Variants in KLHL1 observed in about 807,000 individuals in gnomAD.
The protein encoded by KLHL1 is kelch like family member 1.
Under a neutral mutation model 77.7 loss-of-function variants are expected in KLHL1, and 47 were observed. The observed-to-expected ratio is 0.60, with a 90% CI of 0.48 to 0.77. The LOEUF (loss-of-function observed/expected upper bound fraction) is 0.77, where lower values mean the gene tolerates loss of function less well. Among genes scored for constraint, KLHL1 ranks in the 30% least tolerant of loss-of-function variants. The pLI is 0.00. For synonymous variants in KLHL1, 360 were observed against 325.2 expected (o/e 1.11, Z -1.15); for missense variants, 925 against 910.8 (o/e 1.02, Z -0.20).
chr13:69,755,717 A>G (rs1396318165), intron 7 of KLHL1, among the ~76,000 whole-genome samples: 2 of 148,310 alleles, frequency 1.3e-5, no homozygotes, highest in African/African-American at 5.0e-5. Context: ...ATTCAACAAG[A>G]TTATCTTGCC....
chr13:70,045,625 T>C (rs1863333902), intron 1 of KLHL1, among the ~76,000 whole-genome samples: 1 of 152,040 alleles, frequency 6.6e-6, no homozygotes, highest in Admixed American at 6.6e-5. Flanking sequence ...TAAAGATGAC[T>C]GGTAGTAGTA....
chr13:69,937,078 C>G (rs958368514), intron 4 of KLHL1, among the ~76,000 whole-genome samples: 2 of 152,110 alleles, frequency 1.3e-5, no homozygotes, highest in Admixed American at 1.3e-4. Context: ...TAAAAATGTT[C>G]CACGTGTGTC....
chr13:69,833,985 T>G (rs1431085550), intron 6 of KLHL1, among the ~76,000 whole-genome samples: 1 of 151,750 alleles, frequency 6.6e-6, no homozygotes, highest in Admixed American at 6.6e-5. Flanking sequence ...AACCCAGCAA[T>G]GGAAAACCTA....
At chr13:70,035,653 G>A (rs1186441358) in intron 1 of KLHL1, among the ~76,000 whole-genome samples, 1 of 151,968 alleles carries the variant, frequency 6.6e-6, no homozygotes, top group Non-Finnish European at 1.5e-5. Flanking sequence ...GAAAGATTTA[G>A]AAAATTAGGG....
chr13:70,001,644 G>T (rs1005954440), intron 1 of KLHL1, among the ~76,000 whole-genome samples: 4 of 133,846 alleles, frequency 3.0e-5, no homozygotes, highest in South Asian at 5.1e-4. Context: ...TGAAACATTG[G>T]GATATCTATC....
chr13:69,727,664 T>A (rs573348985), intron 8 of KLHL1, among the ~76,000 whole-genome samples: 1 of 152,294 alleles, frequency 6.6e-6, no homozygotes, highest in South Asian at 2.1e-4. Context: ...CAAAATGAGT[T>A]GTTGAAATAC....
intron 7 of KLHL1, among the ~76,000 whole-genome samples, chr13:69,761,497 A>G (rs948292257): frequency 2.7e-4 from 41 of 152,200 alleles, no homozygotes; most frequent in African/African-American, 8.9e-4. Flanking sequence ...AATTTGATGT[A>G]AGGAGGCAGA....
chr13:69,812,023 T>C (rs1877903200), intron 6 of KLHL1, among the ~76,000 whole-genome samples: 1 of 152,172 alleles, frequency 6.6e-6, no homozygotes, highest in Admixed American at 6.5e-5. Flanking sequence ...CTTTCCTGCT[T>C]TCTCTTGTGG....
At chr13:69,875,638 T>C (rs1880735488) in intron 5 of KLHL1, among the ~76,000 whole-genome samples, 1 of 152,142 alleles carries the variant, frequency 6.6e-6, no homozygotes, top group African/African-American at 2.4e-5. Context: ...ATTATATTAA[T>C]ACCTCTGCTG....
intron 1 of KLHL1, among the ~76,000 whole-genome samples, chr13:70,070,086 T>C (rs1025011977): frequency 6.6e-6 from 1 of 150,530 alleles, no homozygotes; most frequent in African/African-American, 2.5e-5. Flanking sequence ...AAGAATGGTG[T>C]GAACCCAGGA....
At chr13:69,919,662 C>T (rs1882567775) in intron 4 of KLHL1, among the ~76,000 whole-genome samples, 1 of 152,052 alleles carries the variant, frequency 6.6e-6, no homozygotes, top group South Asian at 2.1e-4. Context: ...TTCAACCTTG[C>T]CCCATTACTG....
At chr13:69,881,359 T>C (rs916395439) in intron 5 of KLHL1, among the ~76,000 whole-genome samples, 1 of 152,172 alleles carries the variant, frequency 6.6e-6, no homozygotes, top group Non-Finnish European at 1.5e-5. Context: ...AATTCTCTGT[T>C]TTATATTTTT....
intron 4 of KLHL1, among the ~76,000 whole-genome samples, chr13:69,896,051 TTGC>T (rs1463326388): frequency 3.3e-5 from 5 of 151,982 alleles, no homozygotes; most frequent in African/African-American, 1.2e-4. Flanking sequence ...CTGGTAGAAT[TTGC>T]TTCTATGTGA....
intron 1 of KLHL1, among the ~76,000 whole-genome samples, chr13:70,040,936 C>T (rs1226011427): frequency 6.6e-6 from 1 of 151,956 alleles, no homozygotes; most frequent in Non-Finnish European, 1.5e-5. Flanking sequence ...AGTCTCTTTT[C>T]TCTCTGTTTG....
rs1249974698 is a variant in KLHL1 at position 69,796,994 on chromosome 13, T to C, written c.1415-32A>G. On this transcript the variant is annotated intron_variant, in intron 6 of 10. Coordinates refer to ENST00000377844, the MANE Select transcript of KLHL1 (RefSeq NM_020866.3). ...AAACATAAAATCAAAAAGTCACCAA[T>C]TGCTATAAATTCAACAAACAGCCTG... 17 of 1,559,680 alleles carry C rather than the reference T, an allele frequency of 1.1e-5. No homozygotes were observed. The East Asian group carries it at 1.6e-4, about 14-fold the overall frequency.
chr13:69,750,596 C>T (rs1015687799), intron 7 of KLHL1, among the ~76,000 whole-genome samples: 8 of 151,600 alleles, frequency 5.3e-5, no homozygotes, highest in Admixed American at 1.3e-4. Context: ...ACAATATATA[C>T]AAGCACTCTA....
chr13:70,054,962 T>C (rs1032533513), intron 1 of KLHL1, among the ~76,000 whole-genome samples: 6 of 152,062 alleles, frequency 3.9e-5, no homozygotes, highest in Admixed American at 3.9e-4. Flanking sequence ...ATCTAAGTTA[T>C]TGGCCTTAGG....
intron 1 of KLHL1, among the ~76,000 whole-genome samples, chr13:69,989,134 G>T (rs1228207764): frequency 2.0e-5 from 3 of 151,948 alleles, no homozygotes; most frequent in Non-Finnish European, 4.4e-5. Context: ...AATGATTTTT[G>T]TATATAGTGT....
chr13:69,897,404 C>T (rs1881686251), intron 4 of KLHL1, among the ~76,000 whole-genome samples: 1 of 152,212 alleles, frequency 6.6e-6, no homozygotes, highest in Non-Finnish European at 1.5e-5. Flanking sequence ...TCCTTGACAT[C>T]AACGGACATT....
Sources: gnomAD v4.1 joint callset for allele counts (sites outside exome capture counted in the v4.1 genomes callset) on GRCh38, gnomAD v4.1.1 for gene constraint, MANE v1.5 for transcripts, NCBI Gene and HGNC (gene_info 2026-07-23, HGNC 2026-07-21) for gene names.